AHCTF1: variants seen among roughly 807,000 people sequenced by gnomAD.
AHCTF1 encodes the protein protein ELYS.
In AHCTF1, 24 loss-of-function variants were observed where a neutral mutation model predicts 248.4. The ratio of observed to expected loss-of-function variants is 0.10; its 90% CI spans 0.07 to 0.14. The LOEUF (loss-of-function observed/expected upper bound fraction) is 0.14, where lower values mean the gene tolerates loss of function less well. Among genes scored for constraint, AHCTF1 ranks in the 10% least tolerant of loss-of-function variants. The probability of loss-of-function intolerance (pLI) is 1.00; values close to 1 mark genes in which losing one functional copy is unlikely to be tolerated. For missense variants in AHCTF1, 2,206 were observed against 2,636.2 expected (o/e 0.84, Z 3.57); for synonymous variants, 786 against 929.8 (o/e 0.85, Z 2.81).
At position 246,850,974 on chromosome 1, in the gene AHCTF1, C is replaced by T; in HGVS notation, c.5032G>A (p.Asp1678Asn). 1.2e-6 allele frequency: 2 copies of T among 1,613,878 alleles called. No homozygotes were observed. Among genetic ancestry groups the T allele is most frequent in the East Asian group, 4.5e-5 (2 of 44,878 alleles). ...GAAGTAATTTCTTTACTTCTTGTGT[C>T]TTTAATTACATCTAGTAAATTTTCT... ...IAENLLDVIK[D>N]TRSKEITSDT... Residue 1678 changes from aspartate to asparagine, a missense_variant, in exon 33 of 36, where the codon GAC becomes AAC. Coordinates refer to ENST00000648844, the MANE Select transcript of AHCTF1 (RefSeq NM_001323342.2).
intron 29 of AHCTF1, among the ~76,000 whole-genome samples, chr1:246,859,377 C>T (rs1170775783): frequency 2.6e-5 from 4 of 152,098 alleles, no homozygotes; most frequent in African/African-American, 9.7e-5. Context: ...TACTAGTGTT[C>T]CCCTGGCCCT....
chr1:246,887,267 A>T lies in AHCTF1; in HGVS notation c.2416T>A (p.Trp806Arg). 1 of 1,613,636 alleles carries T rather than the reference A, an allele frequency of 6.2e-7. No homozygotes were observed. The highest frequency in any genetic ancestry group is 2.2e-5 in the East Asian group (1 of 44,780). ...ESFPTVFAIS[W>R]GQVKLIQGFW... ...CCCTGAATAAGTTTAACTTGGCCCC[A>T]AGAAATGGCAAATACAGTTGGGAAA... Residue 806 changes from tryptophan (W) to arginine (R), a missense_variant, in exon 20 of 36, where the codon TGG (tryptophan) becomes AGG (arginine). By Grantham distance (101) the Trp-to-Arg change is moderately radical. This residue lies in a region of AHCTF1 where 650 missense variants were observed against 870.8 expected (regional missense o/e 0.75). Coordinates refer to ENST00000648844, the MANE Select transcript of AHCTF1 (RefSeq NM_001323342.2).
rs1553291132 is a variant in AHCTF1, at chr1:246,867,901, C to CCA, written c.3089-92_3089-91dup. 349 of 313,378 alleles carry CCA rather than the reference C, an allele frequency of 1.1e-3. 1 individual carries two copies. Among genetic ancestry groups the CCA allele is most frequent in the South Asian group, 2.9e-3 (67 of 22,776 alleles). The allele number at this position is 313,378 out of a possible 1,614,324, so 19.4% of individuals were successfully genotyped here. ...TGAAAGAATGATTACACCCCCCCCC[C>CCA]CACACACACACACACACACATTACG... On this transcript the variant is annotated intron_variant, in intron 24 of 35. Coordinates refer to ENST00000648844, the MANE Select transcript of AHCTF1 (RefSeq NM_001323342.2).
intron 26 of AHCTF1, 27 bp downstream of exon 26, chr1:246,867,217 T>C: frequency 7.7e-7 from 1 of 1,297,656 alleles, no homozygotes; most frequent in South Asian, 1.3e-5. Context: ...ACATTGTGTC[T>C]CTAAGAATGA....
At chr1:246,868,128 ATTT>A (rs1028892311) in intron 24 of AHCTF1, among the ~76,000 whole-genome samples, 11 of 133,808 alleles carry the variant, frequency 8.2e-5, no homozygotes, top group Admixed American at 1.5e-4. Context: ...AGCCCGGCTA[ATTT>A]TTTTTTTTTT....
intron 33 of AHCTF1, among the ~76,000 whole-genome samples, chr1:246,847,898 T>A (rs1660404048): frequency 6.6e-6 from 1 of 152,184 alleles, no homozygotes; most frequent in Non-Finnish European, 1.5e-5. Context: ...AATGACTTCC[T>A]GCCACTCCCT....
At chr1:246,903,595 C>T (rs532271611) in intron 7 of AHCTF1, among the ~76,000 whole-genome samples, 3 of 150,876 alleles carry the variant, frequency 2.0e-5, no homozygotes, top group South Asian at 2.1e-4. Flanking sequence ...TTTGGGAGTT[C>T]GAGGTGGGTG....
intron 24 of AHCTF1, among the ~76,000 whole-genome samples, chr1:246,868,120 C>G (rs1240378438): frequency 6.7e-6 from 1 of 149,928 alleles, no homozygotes; most frequent in Non-Finnish European, 1.5e-5. Context: ...GGCCACCAAG[C>G]CCGGCTAATT....
intron 35 of AHCTF1, 48 bp downstream of exon 35, chr1:246,842,646 G>T: frequency 2.0e-6 from 3 of 1,500,528 alleles, no homozygotes; most frequent in East Asian, 4.5e-5. Context: ...GACAGAGCGA[G>T]ACTGTCTCAA....
intron 1 of AHCTF1, among the ~76,000 whole-genome samples, chr1:246,927,161 G>C (rs1472056848): frequency 1.3e-5 from 2 of 150,632 alleles, no homozygotes; most frequent in Non-Finnish European, 3.0e-5. Context: ...CTGGGCGACA[G>C]AGCGAGACTC....
chr1:246,868,351 C>A (rs1464642778), intron 24 of AHCTF1, among the ~76,000 whole-genome samples: 1 of 146,216 alleles, frequency 6.8e-6, no homozygotes, highest in Non-Finnish European at 1.5e-5. Context: ...GAACTCCTGA[C>A]CTCATGTGAT....
chr1:246,853,544 G>A (rs1250437617), intron 31 of AHCTF1, among the ~76,000 whole-genome samples: 1 of 151,990 alleles, frequency 6.6e-6, no homozygotes, highest in African/African-American at 2.4e-5. Flanking sequence ...TTAATATGAC[G>A]ACCAACTGCT....
intron 31 of AHCTF1, 113 bp downstream of exon 31, chr1:246,855,617 C>A: frequency 1.3e-6 from 1 of 789,748 alleles, no homozygotes; most frequent in Non-Finnish European, 2.0e-6. Context: ...AGAGGAATAA[C>A]TGAGGAGGAA....
At chr1:246,881,887 T>C (rs921937291) in intron 21 of AHCTF1, among the ~76,000 whole-genome samples, 2 of 149,554 alleles carry the variant, frequency 1.3e-5, no homozygotes, top group Non-Finnish European at 3.0e-5. Context: ...AAGGGTCTCC[T>C]ACGTTGCCCG....
chr1:246,923,014 G>C (rs1666678780), intron 1 of AHCTF1, among the ~76,000 whole-genome samples: 4 of 131,620 alleles, frequency 3.0e-5, no homozygotes, highest in African/African-American at 8.4e-5. Context: ...AGTATCAATA[G>C]TATTCTTAAT....
At chr1:246,848,929 T>C in intron 33 of AHCTF1, among the ~76,000 whole-genome samples, 1 of 152,184 alleles carries the variant, frequency 6.6e-6, no homozygotes, top group Admixed American at 6.5e-5. Flanking sequence ...ATGGGATCTA[T>C]TCAGCCACAC....
rs78646281 is a variant in AHCTF1, at chr1:246,843,966, A to G, written c.6392-38T>C. 7.1e-4 allele frequency: 913 copies of G among 1,279,670 alleles called. 3 individuals are homozygous for G. The African/African-American group carries it at 0.012, about 16-fold the overall frequency. 79.3% of individuals were successfully genotyped at this position (1,279,670 alleles called of 1,614,324 possible). On this transcript the variant is annotated intron_variant, in intron 33 of 35. Coordinates refer to ENST00000648844, the MANE Select transcript of AHCTF1 (RefSeq NM_001323342.2). Reference sequence around the variant, plus strand: ...GAAAAAACTGTATCTGTATCTTTATATATGTGTGTATATATATAAACACAA... The same window carrying G: ...GAAAAAACTGTATCTGTATCTTTATGTATGTGTGTATATATATAAACACAA...
chr1:246,870,616 G>T (rs776183520), intron 24 of AHCTF1, among the ~76,000 whole-genome samples: 1 of 147,790 alleles, frequency 6.8e-6, no homozygotes, highest in Non-Finnish European at 1.5e-5. Context: ...ATTTAAAAGA[G>T]AAAAGTATAA....
chr1:246,867,227 A>AT lies in AHCTF1; in HGVS notation c.3347+16dup, dbSNP rs1408636203. 1.4e-6 allele frequency: 2 copies of AT among 1,437,484 alleles called. No homozygotes were observed. The highest frequency in any genetic ancestry group is 1.9e-6 in the Non-Finnish European group (2 of 1,039,662). 89.0% of individuals were successfully genotyped at this position (1,437,484 alleles called of 1,614,324 possible). ...ATCTAACATTGTGTCTCTAAGAATG[A>AT]TTTAATAAACTCTTACCTAGAAATT... On this transcript the variant is annotated intron_variant, in intron 26 of 35. Transcript: ENST00000648844.
Sources: allele counts gnomAD v4.1 joint callset (sites outside exome capture counted in the v4.1 genomes callset), GRCh38; gene constraint gnomAD v4.1.1; regional missense constraint gnomAD v4.1.1; transcripts MANE v1.5; gene names NCBI Gene and HGNC (gene_info 2026-07-23, HGNC 2026-07-21).